KIAA0825: variants seen among roughly 807,000 people sequenced by gnomAD.
The protein encoded by KIAA0825 is KIAA0825, also known as uncharacterized protein KIAA0825.
KIAA0825 carries 119 observed loss-of-function variants against 147.6 expected under a neutral mutation model. The ratio of observed to expected loss-of-function variants is 0.81; its 90% CI spans 0.69 to 0.94. The LOEUF is 0.94. Among genes scored for constraint, KIAA0825 ranks in the 40% least tolerant of loss-of-function variants. KIAA0825 has a pLI of 0.00. For synonymous variants in KIAA0825, 470 were observed against 518.1 expected, an observed-to-expected ratio of 0.91 and a Z score of 1.26; for missense variants, 1,381 against 1,472.7, an observed-to-expected ratio of 0.94 and a Z score of 1.02.
intron 14 of KIAA0825, among the ~76,000 whole-genome samples, chr5:94,425,766 C>G (rs1261940475): frequency 6.6e-6 from 1 of 152,162 alleles, no homozygotes; most frequent in Non-Finnish European, 1.5e-5. Context: ...TCCAGATCCT[C>G]ACAGCATTTG....
At position 94,407,579 on chromosome 5, in the gene KIAA0825, G is replaced by T. The variant is rs143467632; in HGVS notation, c.2663-3786C>A. Among the ~76,000 whole-genome samples, 609 of 152,238 alleles carry T rather than the reference G, an allele frequency of 4.0e-3. 6 individuals are homozygous for T. Among genetic ancestry groups the T allele is most frequent in the Middle Eastern group, 0.02 (6 of 294 alleles). On this transcript the variant is annotated intron_variant, in intron 15 of 20. Transcript: ENST00000682413. The stretch of plus-strand genomic sequence containing the variant: ...CTTGAAAATATTGTACTAAGTGAAA[G>T]AAACCGGACACAAAATGCACATACT...
At chr5:94,192,909 C>G (rs149977085) in intron 20 of KIAA0825, among the ~76,000 whole-genome samples, 2 of 152,320 alleles carry the variant, frequency 1.3e-5, no homozygotes, top group African/African-American at 4.8e-5. Flanking sequence ...ATAACACATA[C>G]ATTTCTAGAA....
intron 20 of KIAA0825, among the ~76,000 whole-genome samples, chr5:94,183,643 A>G (rs1025686228): frequency 1.3e-5 from 2 of 152,142 alleles, no homozygotes; most frequent in South Asian, 2.1e-4. Flanking sequence ...AATCATGCTT[A>G]TGTGATGAAA....
At chr5:94,206,259 G>T (rs1213749713) in intron 20 of KIAA0825, among the ~76,000 whole-genome samples, 1 of 152,002 alleles carries the variant, frequency 6.6e-6, no homozygotes, top group East Asian at 1.9e-4. Flanking sequence ...GAGTTTTCCA[G>T]ATCAATTTTC....
Position 94,386,281 on chromosome 5 carries a change from C to T in KIAA0825, c.3580G>A (p.Val1194Met). ...ATGTTTTCACTAAACGCCTTATACA[C>T]ATGGAAAGGGTTAAAGGCAGAAGGC... The part of the protein sequence containing the change: ...DQPSAFNPFH[V>M]YKAFSENMLD... The change falls in exon 19 of 21, where the codon GTG (valine) becomes ATG (methionine). Residue 1194 changes from valine (V) to methionine (M), a missense_variant. Coordinates refer to ENST00000682413, the MANE Select transcript of KIAA0825 (RefSeq NM_001145678.3). The T allele has an allele frequency of 6.4e-7, 1 of 1,551,304 alleles. No individual in the cohort carries two copies.
At chr5:94,538,986 T>C (rs972093607) in intron 2 of KIAA0825, among the ~76,000 whole-genome samples, 2 of 152,218 alleles carry the variant, frequency 1.3e-5, no homozygotes, top group African/African-American at 4.8e-5. Context: ...GGCTGAGACC[T>C]ACTGGACTTC....
At chr5:94,417,460 T>C in intron 14 of KIAA0825, 95 bp from the exon 15 acceptor site, 1 of 949,070 alleles carries the variant, frequency 1.1e-6, no homozygotes, top group East Asian at 2.7e-5. Context: ...CATAATGCTG[T>C]GGAAATGGTT....
intron 17 of KIAA0825, among the ~76,000 whole-genome samples, chr5:94,392,561 T>C (rs755896204): frequency 1.3e-5 from 2 of 152,230 alleles, no homozygotes; most frequent in Non-Finnish European, 2.9e-5. Context: ...GTAATTGTTA[T>C]TGGGATCATG....
At chr5:94,602,255 G>A (rs141883222) in intron 1 of KIAA0825, among the ~76,000 whole-genome samples, 2,536 of 152,182 alleles carry the variant, frequency 0.017, 59 homozygotes, top group African/African-American at 0.058. Flanking sequence ...GGAGGCTGAG[G>A]CAGGAGAATG....
chr5:94,483,008 A>G (rs899822188), intron 6 of KIAA0825, among the ~76,000 whole-genome samples: 4 of 152,002 alleles, frequency 2.6e-5, no homozygotes, highest in Admixed American at 2.6e-4. Context: ...GTTGACTTTC[A>G]TTCACAAATG....
chr5:94,229,838 C>T (rs1774533725), intron 20 of KIAA0825, among the ~76,000 whole-genome samples: 1 of 152,020 alleles, frequency 6.6e-6, no homozygotes, highest in African/African-American at 2.4e-5. Flanking sequence ...TTTCTTCTGC[C>T]ATCTAATGCA....
At chr5:94,211,993 T>C (rs1316440031) in intron 20 of KIAA0825, among the ~76,000 whole-genome samples, 1 of 152,232 alleles carries the variant, frequency 6.6e-6, no homozygotes, top group Non-Finnish European at 1.5e-5. Context: ...TACACGATGT[T>C]ACTCTTCATT....
intron 13 of KIAA0825, among the ~76,000 whole-genome samples, chr5:94,445,650 A>G (rs918963225): frequency 1.3e-5 from 2 of 152,218 alleles, no homozygotes; most frequent in Non-Finnish European, 2.9e-5. Context: ...GCTGTTTCCT[A>G]TCATCACATT....
At chr5:94,364,242 G>A (rs1745485543) in intron 20 of KIAA0825, among the ~76,000 whole-genome samples, 2 of 151,802 alleles carry the variant, frequency 1.3e-5, no homozygotes, top group Non-Finnish European at 2.9e-5. Context: ...GAGGGGCTTG[G>A]GATGGAGGGC....
At chr5:94,334,424 T>C (rs1477008886) in intron 20 of KIAA0825, among the ~76,000 whole-genome samples, 1 of 152,258 alleles carries the variant, frequency 6.6e-6, no homozygotes, top group African/African-American at 2.4e-5. Flanking sequence ...ACAAATTTCC[T>C]ATTGGTCCCA....
rs137931835 is a variant in KIAA0825 at position 94,295,058 on chromosome 5, A to G, written c.3710+89310T>C. On this transcript the variant is annotated intron_variant, in intron 20 of 20. Transcript: ENST00000682413. ...TCACTTGTCACTTTCTGGTACACCA[A>G]TCAAACGTAGGTTTGGTCTTTTCAC... Among the ~76,000 whole-genome samples, 33 of 152,228 alleles carry G rather than the reference A, an allele frequency of 2.2e-4. No individual in the cohort carries two copies. In the East Asian group the frequency reaches 6.4e-3, roughly 30 times the overall value.
chr5:94,195,046 T>C (rs1771008352), intron 20 of KIAA0825, among the ~76,000 whole-genome samples: 1 of 152,316 alleles, frequency 6.6e-6, no homozygotes, highest in Non-Finnish European at 1.5e-5. Flanking sequence ...ATGAGGTAAC[T>C]TACTCAAGGT....
intron 3 of KIAA0825, among the ~76,000 whole-genome samples, chr5:94,535,744 C>G (rs1393854182): frequency 2.0e-5 from 3 of 152,134 alleles, no homozygotes; most frequent in Non-Finnish European, 4.4e-5. Flanking sequence ...TTGCCTGTTG[C>G]AATTTGCAAA....
chr5:94,239,986 A>G (rs920150694), intron 20 of KIAA0825, among the ~76,000 whole-genome samples: 1 of 152,194 alleles, frequency 6.6e-6, no homozygotes, highest in East Asian at 1.9e-4. Flanking sequence ...TTTTTGTCCA[A>G]TTAATAGATT....
Sources: allele counts gnomAD v4.1 joint callset (sites outside exome capture counted in the v4.1 genomes callset), GRCh38; gene constraint gnomAD v4.1.1; transcripts MANE v1.5; gene names NCBI Gene and HGNC (gene_info 2026-07-23, HGNC 2026-07-21).